The following C10orf90 variants were observed in gnomAD, a reference collection of about 807,000 sequenced individuals.
C10orf90 encodes (E2-independent) E3 ubiquitin-conjugating enzyme FATS.
A neutral mutation model predicts 62.5 loss-of-function variants in C10orf90; 56 were observed. That is an observed-to-expected ratio of 0.90 (90% CI 0.72 to 1.12). The LOEUF (loss-of-function observed/expected upper bound fraction) is 1.12, where lower values mean the gene tolerates loss of function less well. Ranked by LOEUF, C10orf90 falls within the 50% of genes most tolerant of loss-of-function variation. The probability of loss-of-function intolerance (pLI) is 0.00; values close to 1 mark genes in which losing one functional copy is unlikely to be tolerated. For synonymous variants in C10orf90, 386 were observed against 340.4 expected, an observed-to-expected ratio of 1.13 and a Z score of -1.47; for missense variants, 970 against 880.4, an observed-to-expected ratio of 1.10 and a Z score of -1.29.
intron 4 of C10orf90, among the ~76,000 whole-genome samples, chr10:126,470,577 A>AAAAC (rs10637715): frequency 0.13 from 19,072 of 149,950 alleles, 1,243 homozygotes; most frequent in Non-Finnish European, 0.15. Context: ...TAAAAACTAA[A>AAAAC]AAACAAACAA....
intron 2 of C10orf90, among the ~76,000 whole-genome samples, chr10:126,553,528 TGTCATAGACATCATA>T (rs1353331428): frequency 2.2e-4 from 33 of 152,202 alleles, no homozygotes; most frequent in Non-Finnish European, 4.4e-4. Flanking sequence ...TACCTAGTGA[TGTCATAGACATCATA>T]ACATCATAGC....
At position 126,459,053 on chromosome 10, in the gene C10orf90, G is replaced by A. The variant is rs1450296231; in HGVS notation, c.2175C>T (p.Pro725=). The A allele has an allele frequency of 5.0e-6, 8 of 1,612,440 alleles. No homozygotes were observed. The East Asian group carries it at 1.1e-4, about 22-fold the overall frequency. ...IRTSKKQFTI[P]HPLSDNLFKP... ...CCTGCAGCTTACCACTCAGAGGATG[G>A]GGAATCGTGAACTGCTTCTTGCTGG... The change falls in exon 7 of 10, where the codon CCC becomes CCT. Residue 725 remains proline (P), a synonymous_variant. Coordinates refer to ENST00000488181, the MANE Select transcript of C10orf90 (RefSeq NM_001350921.2).
At chr10:126,493,879 A>T (rs1047336671) in intron 4 of C10orf90, among the ~76,000 whole-genome samples, 47 of 152,196 alleles carry the variant, frequency 3.1e-4, no homozygotes, top group Admixed American at 1.2e-3. Flanking sequence ...ATTCTCCCTG[A>T]TGTCTAGCAT....
At chr10:126,482,544 A>T (rs894327390) in intron 4 of C10orf90, among the ~76,000 whole-genome samples, 1 of 152,188 alleles carries the variant, frequency 6.6e-6, no homozygotes, top group Non-Finnish European at 1.5e-5. Context: ...ATTAGACAAA[A>T]GCCAGGTGTG....
chr10:126,616,624 T>C (rs1845547208), intron 2 of C10orf90, among the ~76,000 whole-genome samples: 1 of 152,160 alleles, frequency 6.6e-6, no homozygotes, highest in African/African-American at 2.4e-5. Context: ...TGGTGGCTCT[T>C]TGTCTACTAA....
chr10:126,630,465 G>T (rs932189254), intron 2 of C10orf90, among the ~76,000 whole-genome samples: 1 of 152,142 alleles, frequency 6.6e-6, no homozygotes, highest in South Asian at 2.1e-4. Context: ...TGGCGATGGT[G>T]GGGTCGGGAA....
intron 7 of C10orf90, among the ~76,000 whole-genome samples, chr10:126,436,459 T>A (rs980275890): frequency 6.6e-6 from 1 of 152,180 alleles, no homozygotes; most frequent in African/African-American, 2.4e-5. Flanking sequence ...ATTAGAAAAT[T>A]AAACATCATA....
chr10:126,555,651 C>T (rs1388923184), intron 2 of C10orf90, among the ~76,000 whole-genome samples: 1 of 149,968 alleles, frequency 6.7e-6, no homozygotes, highest in South Asian at 2.1e-4. Flanking sequence ...TGCACTCTAG[C>T]CTGGGCAACA....
chr10:126,581,103 G>A (rs909420152), intron 2 of C10orf90, among the ~76,000 whole-genome samples: 3 of 152,160 alleles, frequency 2.0e-5, no homozygotes, highest in African/African-American at 2.4e-5. Context: ...TGGAAATCCC[G>A]GAAACACACA....
intron 2 of C10orf90, among the ~76,000 whole-genome samples, chr10:126,644,394 C>T (rs1400553029): frequency 6.6e-6 from 1 of 152,226 alleles, no homozygotes; most frequent in Non-Finnish European, 1.5e-5. Context: ...TGCGGGAAGA[C>T]ACAGAAAACA....
Position 126,458,991 on chromosome 10 carries a change from C to A in C10orf90, c.2188+49G>T, listed in dbSNP as rs143945881. 4 of 1,560,288 alleles carry A rather than the reference C, an allele frequency of 2.6e-6. No individual in the cohort carries two copies. In the South Asian group the frequency reaches 4.7e-5, roughly 18 times the overall value. On this transcript the variant is annotated intron_variant, in intron 7 of 9. Coordinates refer to ENST00000488181, the MANE Select transcript of C10orf90 (RefSeq NM_001350921.2). Reference sequence around the variant, plus strand: ...TGAGTGAAGCCTCCAGCTCCAGGAACCCCCCATCCCTGGTCTTTTCCAGTC... The same window carrying A: ...TGAGTGAAGCCTCCAGCTCCAGGAAACCCCCATCCCTGGTCTTTTCCAGTC...
chr10:126,454,483 G>A (rs1365724432), intron 7 of C10orf90, among the ~76,000 whole-genome samples: 1 of 151,174 alleles, frequency 6.6e-6, no homozygotes, highest in African/African-American at 2.4e-5. Flanking sequence ...TGCAAAGGCT[G>A]TGCCCCTACG....
intron 4 of C10orf90, among the ~76,000 whole-genome samples, chr10:126,477,293 T>A (rs1860941828): frequency 6.7e-6 from 1 of 149,698 alleles, no homozygotes. Flanking sequence ...GTCAGAATAT[T>A]CAATATTTTT....
intron 2 of C10orf90, among the ~76,000 whole-genome samples, chr10:126,546,732 C>A (rs1003839896): frequency 1.3e-5 from 2 of 152,224 alleles, no homozygotes; most frequent in Non-Finnish European, 1.5e-5. Flanking sequence ...AACAACGTGG[C>A]ACTCCCAGGC....
intron 2 of C10orf90, among the ~76,000 whole-genome samples, chr10:126,554,826 T>C (rs552676645): frequency 2.6e-5 from 4 of 152,308 alleles, no homozygotes; most frequent in East Asian, 1.9e-4. Flanking sequence ...TTGGGCAAGA[T>C]AGCAAAATGT....
intron 4 of C10orf90, among the ~76,000 whole-genome samples, chr10:126,495,294 C>T (rs572748936): frequency 1.1e-4 from 16 of 152,216 alleles, no homozygotes; most frequent in Admixed American, 7.2e-4. Flanking sequence ...GAGGCCGAGA[C>T]GGGTGGATCA....
At chr10:126,500,453 G>T (rs1184470293) in intron 4 of C10orf90, among the ~76,000 whole-genome samples, 1 of 152,234 alleles carries the variant, frequency 6.6e-6, no homozygotes, top group Non-Finnish European at 1.5e-5. Context: ...AATAATGGAT[G>T]CAGCCCAGGG....
intron 2 of C10orf90, among the ~76,000 whole-genome samples, chr10:126,585,383 GA>G: frequency 6.8e-6 from 1 of 146,376 alleles, no homozygotes; most frequent in East Asian, 2.0e-4. Flanking sequence ...AGGAAGAAAA[GA>G]AAGGAAAGAA....
chr10:126,498,997 A>G (rs1248801537), intron 4 of C10orf90, among the ~76,000 whole-genome samples: 4 of 152,250 alleles, frequency 2.6e-5, no homozygotes, highest in African/African-American at 4.8e-5. Flanking sequence ...ATACTGGGGA[A>G]CAGGGTAAAG....
Sources: gnomAD v4.1 joint callset for allele counts (sites outside exome capture counted in the v4.1 genomes callset) on GRCh38, gnomAD v4.1.1 for gene constraint, MANE v1.5 for transcripts, NCBI Gene and HGNC (gene_info 2026-07-23, HGNC 2026-07-21) for gene names.